Variants in ASAH2B observed in about 807,000 individuals in gnomAD.
ASAH2B encodes putative inactive neutral ceramidase B.
Under a neutral mutation model 2.9 loss-of-function variants are expected in ASAH2B, and 1 was observed. That is an observed-to-expected ratio of 0.34 (90% CI 0.12 to 1.63). The LOEUF is 1.63. Among genes scored for constraint, ASAH2B ranks in the 40% most tolerant of loss-of-function variants. The pLI, the probability that ASAH2B is intolerant of heterozygous loss-of-function variation, is 0.36. For synonymous variants in ASAH2B, 4 were observed against 13.3 expected, an observed-to-expected ratio of 0.30 and a Z score of 1.52; for missense variants, 9 against 37.7, an observed-to-expected ratio of 0.24 and a Z score of 1.99.
chr10:50,740,704 C>A (rs1367462736), intron 1 of ASAH2B, among the ~76,000 whole-genome samples: 5 of 152,174 alleles, frequency 3.3e-5, no homozygotes, highest in Non-Finnish European at 7.4e-5. Flanking sequence ...AAATGGCACC[C>A]TTTCCCGCTT....
chr10:50,740,193 G>T (rs1301849319), intron 1 of ASAH2B, among the ~76,000 whole-genome samples: 1 of 152,162 alleles, frequency 6.6e-6, no homozygotes, highest in Non-Finnish European at 1.5e-5. Flanking sequence ...GCCTGACGGG[G>T]AGGGAAGGTG....
intron 2 of ASAH2B, chr10:50,743,690 A>G (rs190120784): frequency 5.3e-5 from 8 of 151,492 alleles, no homozygotes; most frequent in African/African-American, 1.7e-4. Context: ...ACTTGTGGAA[A>G]TCTTCCCTTT....
rs888301243 is a variant in ASAH2B, at chr10:50,759,111, G to C, written c.*4371G>C. ...ATAGTTAGAGTATAAGGAAAGAGTT[G>C]ACAGTGAGGCAGCACCAAACTTTAC... On this transcript the variant is annotated 3_prime_UTR_variant, in exon 6 of 6. Coordinates refer to ENST00000647317, the MANE Select transcript of ASAH2B (RefSeq NM_001321958.2). The C allele has an allele frequency of 5.5e-5, 8 of 146,428 alleles. No individual in the cohort carries two copies. Among genetic ancestry groups the C allele is most frequent in the African/African-American group, 1.9e-4 (8 of 41,154 alleles). The allele number at this position is 146,428 out of a possible 1,614,324, so 9.1% of individuals were successfully genotyped here. A position where few individuals can be genotyped will look rare whatever the true frequency, so the allele number is the denominator to read the frequency against.
intron 3 of ASAH2B, among the ~76,000 whole-genome samples, chr10:50,748,697 A>T (rs1425588799): frequency 6.7e-6 from 1 of 150,274 alleles, no homozygotes; most frequent in Non-Finnish European, 1.5e-5. Flanking sequence ...GCTTTTGTGG[A>T]CACCCAGCTC....
intron 2 of ASAH2B, among the ~76,000 whole-genome samples, chr10:50,744,255 C>T (rs1839874713): frequency 6.6e-6 from 1 of 151,368 alleles, no homozygotes; most frequent in East Asian, 1.9e-4. Flanking sequence ...ATAGATTCTT[C>T]AAATTTTGTA....
At chr10:50,743,031 C>G in intron 2 of ASAH2B, 21 bp downstream of exon 2, 1 of 1,533,156 alleles carries the variant, frequency 6.5e-7, no homozygotes, top group Middle Eastern at 1.7e-4. Context: ...ATTGTTTGTG[C>G]GTGCGTGCGT....
chr10:50,745,805 G>A (rs952668467), intron 3 of ASAH2B, among the ~76,000 whole-genome samples: 5 of 144,542 alleles, frequency 3.5e-5, no homozygotes, highest in East Asian at 2.1e-4. Context: ...TATCCTTATT[G>A]GACTGGCTAG....
At chr10:50,745,518 A>G (rs112247395) in intron 3 of ASAH2B, among the ~76,000 whole-genome samples, 4 of 119,150 alleles carry the variant, frequency 3.4e-5, no homozygotes, top group Non-Finnish European at 1.7e-5. Context: ...TCATGGAACT[A>G]TTCACTGGCA....
rs1236506548 is a variant in ASAH2B at position 50,751,592 on chromosome 10, C to T, written c.205-876C>T. Among the ~76,000 whole-genome samples, 48 of 151,840 alleles carry T rather than the reference C, an allele frequency of 3.2e-4. No homozygotes were observed. The East Asian group carries it at 7.2e-3, about 23-fold the overall frequency. ...GAAAACTTCCTTATTGAATGTAATT[C>T]ATCAGTTGAATACTTAAAGAAGAAT... is the stretch of plus-strand genomic sequence containing the variant. On this transcript the variant is annotated intron_variant, in intron 4 of 5. Coordinates refer to ENST00000647317, the MANE Select transcript of ASAH2B (RefSeq NM_001321958.2).
In ASAH2B at chr10:50,743,002, A is replaced by G. The variant is rs147249784; in HGVS notation, c.-12A>G. On this transcript the variant is annotated 5_prime_UTR_variant, in exon 2 of 6. Coordinates refer to ENST00000647317, the MANE Select transcript of ASAH2B (RefSeq NM_001321958.2). ...GCTCTTCAGAAACCTTGCTAAGGCT[A>G]TTGCTACGGTAATCAAATATTGTTT... 3.5e-5 allele frequency: 57 copies of G among 1,613,900 alleles called. 1 individual carries two copies. Among genetic ancestry groups the G allele is most frequent in the African/African-American group, 8.0e-5 (6 of 74,948 alleles).
rs1837094322 is a variant in ASAH2B, at chr10:50,756,563, T to C, written c.*1823T>C. ...TTCATGAATCAGTTTCCACTACCTC[T>C]ATTCCTTCTATTGAAGCTTTCCTCA... On this transcript the variant is annotated 3_prime_UTR_variant, in exon 6 of 6. Transcript: ENST00000647317. 6.6e-6 allele frequency: 1 copy of C among 151,976 alleles called. No homozygotes were observed. The highest frequency in any genetic ancestry group is 1.5e-5 in the Non-Finnish European group (1 of 67,880). The allele number at this position is 151,976 out of a possible 1,614,324, so 9.4% of individuals were successfully genotyped here.
chr10:50,751,601 A>C (rs1262841965), intron 4 of ASAH2B, among the ~76,000 whole-genome samples: 47 of 151,898 alleles, frequency 3.1e-4, no homozygotes, highest in Non-Finnish European at 5.9e-4. Context: ...TCATCAGTTG[A>C]ATACTTAAAG....
intron 1 of ASAH2B, among the ~76,000 whole-genome samples, chr10:50,741,094 C>T (rs947881275): frequency 2.0e-5 from 3 of 152,106 alleles, no homozygotes; most frequent in Admixed American, 6.5e-5. Flanking sequence ...AGTATGGTAG[C>T]GACATGTGAC....
At chr10:50,740,428 G>C (rs7089955) in intron 1 of ASAH2B, among the ~76,000 whole-genome samples, 1 of 151,720 alleles carries the variant, frequency 6.6e-6, no homozygotes, top group South Asian at 2.1e-4. Flanking sequence ...ACTCCCAGCC[G>C]GTGTTCCTTG....
intron 3 of ASAH2B, among the ~76,000 whole-genome samples, chr10:50,746,147 C>T (rs1380792451): frequency 3.7e-4 from 56 of 151,430 alleles, no homozygotes; most frequent in Admixed American, 1.1e-3. Flanking sequence ...AATTTCAACC[C>T]CCTAACCTCC....
chr10:50,744,280 A>G (rs996301694), intron 2 of ASAH2B, among the ~76,000 whole-genome samples: 20 of 151,554 alleles, frequency 1.3e-4, no homozygotes, highest in Non-Finnish European at 2.4e-4. Context: ...CAATGAAGAA[A>G]AATGCAATTA....
Position 50,756,696 on chromosome 10 carries a change from G to A in ASAH2B, c.*1956G>A, listed in dbSNP as rs1362240749. The A allele has an allele frequency of 6.6e-6, 1 of 151,984 alleles. No individual in the cohort carries two copies. Among genetic ancestry groups the A allele is most frequent in the African/African-American group, 2.4e-5 (1 of 41,422 alleles). 9.4% of individuals were successfully genotyped at this position (151,984 alleles called of 1,614,324 possible). On this transcript the variant is annotated 3_prime_UTR_variant, in exon 6 of 6. Coordinates refer to ENST00000647317, the MANE Select transcript of ASAH2B (RefSeq NM_001321958.2). ...CACTCTTGGCTCCAGATAACGCACA[G>A]AAACCTATTTTCTCACCAGCTGTCA... is the stretch of plus-strand genomic sequence containing the variant.
At chr10:50,740,247 C>G (rs1381022467) in intron 1 of ASAH2B, among the ~76,000 whole-genome samples, 2 of 152,112 alleles carry the variant, frequency 1.3e-5, no homozygotes, top group African/African-American at 4.8e-5. Flanking sequence ...CAGCAGGCGA[C>G]TCGGACCTGA....
intron 1 of ASAH2B, among the ~76,000 whole-genome samples, chr10:50,742,237 AG>A (rs1314838201): frequency 6.6e-6 from 1 of 152,226 alleles, no homozygotes; most frequent in African/African-American, 2.4e-5. Flanking sequence ...GGAGATTTGA[AG>A]GAGACAGAAT....
Sources: gnomAD v4.1 joint callset for allele counts (sites outside exome capture counted in the v4.1 genomes callset) on GRCh38, gnomAD v4.1.1 for gene constraint, MANE v1.5 for transcripts, NCBI Gene and HGNC (gene_info 2026-07-23, HGNC 2026-07-21) for gene names.